The following MIER1 variants were observed in gnomAD, a reference collection of about 807,000 sequenced individuals.
MIER1 encodes MIER1 transcriptional regulator.
A neutral mutation model predicts 75.7 loss-of-function variants in MIER1; 40 were observed. That is an observed-to-expected ratio of 0.53 (90% confidence interval 0.41 to 0.69). The LOEUF (loss-of-function observed/expected upper bound fraction) is 0.69, where lower values mean the gene tolerates loss of function less well. MIER1 is among the 30% of genes least tolerant of loss of function. The pLI is 0.00. For synonymous variants in MIER1, 213 were observed against 223.4 expected (o/e 0.95, Z 0.42); for missense variants, 574 against 680.2 (o/e 0.84, Z 1.74).
chr1:66,942,763 G>A lies in MIER1; in HGVS notation c.193+2711G>A, dbSNP rs192219394. 1.2e-4 allele frequency among the ~76,000 whole-genome samples: 19 copies of A among 152,252 alleles called. No individual in the cohort carries two copies. In the East Asian group the frequency reaches 3.5e-3, roughly 28 times the overall value. ...AAGTTTATAGAAAAAAGCGTAGTGT[G>A]CATGTAGGGAAAGAAATTGGAGTGA... On this transcript the variant is annotated intron_variant, in intron 3 of 13. Coordinates refer to ENST00000401041, the MANE Select transcript of MIER1 (RefSeq NM_001077700.3).
chr1:66,968,066 A>ATT (rs1662788567), intron 8 of MIER1, among the ~76,000 whole-genome samples: 1 of 152,124 alleles, frequency 6.6e-6, no homozygotes, highest in Non-Finnish European at 1.5e-5. Context: ...ATGATTTTAG[A>ATT]AAGTAATTAT....
At chr1:66,983,955 A>T (rs191979761) in intron 13 of MIER1, among the ~76,000 whole-genome samples, 72 of 152,286 alleles carry the variant, frequency 4.7e-4, no homozygotes, top group Admixed American at 2.4e-3. Flanking sequence ...TGAACTCCTG[A>T]CCTCATGATA....
Position 66,924,991 on chromosome 1 carries a change from G to C in MIER1, c.-38G>C. 1 of 1,542,632 alleles carries C rather than the reference G, an allele frequency of 6.5e-7. No homozygotes were observed. Among genetic ancestry groups the C allele is most frequent in the East Asian group, 2.4e-5 (1 of 41,248 alleles). On this transcript the variant is annotated 5_prime_UTR_variant, in exon 1 of 14. Coordinates refer to ENST00000401041, the MANE Select transcript of MIER1 (RefSeq NM_001077700.3). The stretch of plus-strand genomic sequence containing the variant: ...AAGGAGGCGGGCGGCCCGGGCCTCA[G>C]GCCCCTCCCAGGCTCTGAGTCTCCC...
At chr1:66,953,070 T>C (rs1344415770) in intron 4 of MIER1, among the ~76,000 whole-genome samples, 1 of 152,242 alleles carries the variant, frequency 6.6e-6, no homozygotes, top group African/African-American at 2.4e-5. Context: ...AAACAAAGTA[T>C]GGACAAGCTT....
Position 66,986,547 on chromosome 1 carries a change from C to T in MIER1, c.*1647C>T. The T allele has an allele frequency of 2.7e-6, 3 of 1,118,954 alleles. No individual in the cohort carries two copies. Among genetic ancestry groups the T allele is most frequent in the Non-Finnish European group, 4.1e-6 (3 of 732,786 alleles). The allele number at this position is 1,118,954 out of a possible 1,614,324, so 69.3% of individuals were successfully genotyped here. A position where few individuals can be genotyped will look rare whatever the true frequency, so the allele number is the denominator to read the frequency against. On this transcript the variant is annotated 3_prime_UTR_variant, in exon 14 of 14. Transcript: ENST00000401041. Reference sequence around the variant, plus strand: ...GTGAAGGTTTGCACTGAGAAATTAGCATTCAGGCCTTACCCCCATGAAGTA... The same window carrying T: ...GTGAAGGTTTGCACTGAGAAATTAGTATTCAGGCCTTACCCCCATGAAGTA...
intron 4 of MIER1, among the ~76,000 whole-genome samples, chr1:66,952,479 G>T (rs1380348719): frequency 6.6e-6 from 1 of 152,030 alleles, no homozygotes; most frequent in Non-Finnish European, 1.5e-5. Flanking sequence ...ACAGAAATCT[G>T]TCTGTAACTA....
rs1666836863 is a variant in MIER1 at position 66,986,749 on chromosome 1, T to C, written c.*1849T>C. On this transcript the variant is annotated 3_prime_UTR_variant, in exon 14 of 14. Transcript: ENST00000401041. ...GGTGGAAGTGTTGAGAAGTATGAGT[T>C]TTTTGTTGTTTTTGTTTTACTTAAA... The C allele has an allele frequency of 3.4e-6, 1 of 295,694 alleles. No homozygotes were observed. Among genetic ancestry groups the C allele is most frequent in the African/African-American group, 2.2e-5 (1 of 46,152 alleles). The allele number at this position is 295,694 out of a possible 1,614,324, so 18.3% of individuals were successfully genotyped here.
In MIER1 at chr1:66,984,659, A is replaced by G; in HGVS notation, c.1457A>G (p.Asn486Ser). The G allele has an allele frequency of 6.2e-7, 1 of 1,613,998 alleles. No individual in the cohort carries two copies. Among genetic ancestry groups the G allele is most frequent in the Non-Finnish European group, 8.5e-7 (1 of 1,179,928 alleles). Residue 486 changes from asparagine (N) to serine (S), a missense_variant, in exon 14 of 14, where the codon AAT becomes AGT. Physicochemically the swap from Asn to Ser is conservative, Grantham distance 46. Transcript: ENST00000401041. ...CACATTAATGGACCAACAGGTGGAA[A>G]TAAGAAACCACTTCATGCAGATATG... The part of the protein sequence containing the change: ...GLHINGPTGG[N>S]KKPLHADMDT...
In MIER1 at chr1:66,985,769, A is replaced by G; in HGVS notation, c.*869A>G. ...TAAGTGTTTGTGTAGTAATTAAGTCATATTTCTTATCCAGGTGGTTAAAGC... is the reference window on the plus strand; with the variant it reads ...TAAGTGTTTGTGTAGTAATTAAGTCGTATTTCTTATCCAGGTGGTTAAAGC... On this transcript the variant is annotated 3_prime_UTR_variant, in exon 14 of 14. Coordinates refer to ENST00000401041, the MANE Select transcript of MIER1 (RefSeq NM_001077700.3). 2 of 946,630 alleles carry G rather than the reference A, an allele frequency of 2.1e-6. No individual in the cohort carries two copies. Among genetic ancestry groups the G allele is most frequent in the Non-Finnish European group, 2.5e-6 (2 of 796,754 alleles). The allele number at this position is 946,630 out of a possible 1,614,324, so 58.6% of individuals were successfully genotyped here.
At chr1:66,937,345 G>A (rs1655143025) in intron 2 of MIER1, among the ~76,000 whole-genome samples, 1 of 152,154 alleles carries the variant, frequency 6.6e-6, no homozygotes, top group Non-Finnish European at 1.5e-5. Context: ...CGGCACTTTT[G>A]GGAGGCCAAA....
At chr1:66,926,859 G>A (rs1651939362) in intron 2 of MIER1, among the ~76,000 whole-genome samples, 1 of 152,214 alleles carries the variant, frequency 6.6e-6, no homozygotes, top group Non-Finnish European at 1.5e-5. Context: ...TATAAGTACA[G>A]TATTTTCTTG....
intron 4 of MIER1, among the ~76,000 whole-genome samples, chr1:66,953,857 G>A (rs1305794243): frequency 6.6e-6 from 1 of 152,004 alleles, no homozygotes; most frequent in Admixed American, 6.6e-5. Flanking sequence ...GTCCCCCTCA[G>A]TCTCCCAAAG....
At chr1:66,932,571 A>G (rs1030453511) in intron 2 of MIER1, 3 of 152,212 alleles carry the variant, frequency 2.0e-5, no homozygotes, top group South Asian at 2.1e-4. Flanking sequence ...GTTTTAAACA[A>G]TTAGACAAAG....
At chr1:66,981,552 C>A (rs906371929) in intron 12 of MIER1, among the ~76,000 whole-genome samples, 1 of 152,120 alleles carries the variant, frequency 6.6e-6, no homozygotes, top group Non-Finnish European at 1.5e-5. Context: ...TCCTATGGGT[C>A]TCTAAAATTT....
intron 8 of MIER1, among the ~76,000 whole-genome samples, chr1:66,969,503 C>CCACTG (rs1663134641): frequency 7.1e-6 from 1 of 140,750 alleles, no homozygotes; most frequent in Non-Finnish European, 1.5e-5. Flanking sequence ...CAAGATCGCG[C>CCACTG]CACTGCACTC....
At chr1:66,964,880 T>A (rs1662063175) in intron 8 of MIER1, among the ~76,000 whole-genome samples, 1 of 152,226 alleles carries the variant, frequency 6.6e-6, no homozygotes, top group Non-Finnish European at 1.5e-5. Context: ...GTTGTATTAA[T>A]AGAAGTTTTT....
intron 2 of MIER1, among the ~76,000 whole-genome samples, chr1:66,932,277 G>A (rs896561838): frequency 1.3e-5 from 2 of 152,100 alleles, no homozygotes; most frequent in Admixed American, 6.5e-5. Context: ...TTGTGGGAAC[G>A]CATGGATTGT....
intron 2 of MIER1, among the ~76,000 whole-genome samples, chr1:66,937,662 TA>T (rs1655241122): frequency 6.6e-6 from 1 of 152,216 alleles, no homozygotes; most frequent in South Asian, 2.1e-4. Flanking sequence ...CATATCTAAA[TA>T]AAAATTACCC....
intron 4 of MIER1, among the ~76,000 whole-genome samples, chr1:66,949,989 T>C (rs530811222): frequency 6.0e-4 from 92 of 152,362 alleles, no homozygotes; most frequent in Non-Finnish European, 1.2e-3. Context: ...GCATGGATTA[T>C]GACAATATAA....
Sources: gnomAD v4.1 joint callset for allele counts (sites outside exome capture counted in the v4.1 genomes callset) on GRCh38, gnomAD v4.1.1 for gene constraint, MANE v1.5 for transcripts, NCBI Gene and HGNC (gene_info 2026-07-23, HGNC 2026-07-21) for gene names.